Variants in PRKCA observed in about 807,000 individuals in gnomAD.
PRKCA encodes the protein protein kinase C alpha type.
Under a neutral mutation model 87.0 loss-of-function variants are expected in PRKCA, and 27 were observed. The observed-to-expected ratio is 0.31, with a 90% CI of 0.23 to 0.43. The LOEUF (loss-of-function observed/expected upper bound fraction) is 0.43, where lower values mean the gene tolerates loss of function less well. PRKCA is among the 20% of genes least tolerant of loss of function. The pLI is 1.00. For missense variants in PRKCA, 518 were observed against 852.3 expected (o/e 0.61, Z 4.88); for synonymous variants, 329 against 311.1 (o/e 1.06, Z -0.61).
intron 12 of PRKCA, 65 bp from the exon 13 acceptor site, chr17:66,742,557 C>T: frequency 1.3e-6 from 2 of 1,548,226 alleles, no homozygotes; most frequent in Admixed American, 1.8e-5. Flanking sequence ...TTCTATTTCA[C>T]CAGTTCCAAA....
chr17:66,364,265 A>T (rs1908568695), intron 2 of PRKCA: 1 of 152,218 alleles, frequency 6.6e-6, no homozygotes, highest in South Asian at 2.1e-4. Context: ...CAGTAGTGGG[A>T]TCTCACCTGT....
intron 2 of PRKCA, among the ~76,000 whole-genome samples, chr17:66,397,797 G>T (rs1178037179): frequency 6.6e-6 from 1 of 152,066 alleles, no homozygotes; most frequent in Non-Finnish European, 1.5e-5. Context: ...CCATTATTCA[G>T]GATACAGTGC....
rs574855442 is a variant in PRKCA, at chr17:66,671,465, G to A, written c.530-15646G>A. Among the ~76,000 whole-genome samples the A allele has an allele frequency of 5.9e-5, 9 of 152,202 alleles. No individual in the cohort carries two copies. The East Asian group carries it at 7.7e-4, about 13-fold the overall frequency. ...TGTGGATACCAAGTAGGGTTATTGC[G>A]GAGGTTAGTTAATATGTCCAAGGTG... On this transcript the variant is annotated intron_variant, in intron 5 of 16. Coordinates refer to ENST00000413366, the MANE Select transcript of PRKCA (RefSeq NM_002737.3).
chr17:66,379,013 C>G lies in PRKCA; in HGVS notation c.205+72886C>G, dbSNP rs369082753. Among the ~76,000 whole-genome samples the G allele has an allele frequency of 2.1e-4, 32 of 152,124 alleles. No homozygotes were observed. In the East Asian group the frequency reaches 3.9e-3, roughly 18 times the overall value. ...ACTGCAGAATGAATCAGTACTTCAC[C>G]CCTTTTTATGGCTTAATAGTAATTG... On this transcript the variant is annotated intron_variant, in intron 2 of 16. Coordinates refer to ENST00000413366, the MANE Select transcript of PRKCA (RefSeq NM_002737.3).
intron 3 of PRKCA, among the ~76,000 whole-genome samples, chr17:66,531,769 A>G (rs1967551216): frequency 6.6e-6 from 1 of 152,284 alleles, no homozygotes; most frequent in African/African-American, 2.4e-5. Context: ...CAGGGTGTCA[A>G]ATGGAACTGA....
intron 8 of PRKCA, among the ~76,000 whole-genome samples, chr17:66,722,024 T>A (rs2144163457): frequency 6.6e-6 from 1 of 152,270 alleles, no homozygotes; most frequent in African/African-American, 2.4e-5. Flanking sequence ...GAGTAATGGT[T>A]CAGTTTCTGA....
At chr17:66,756,809 G>A (rs1443109166) in intron 13 of PRKCA, among the ~76,000 whole-genome samples, 3 of 152,036 alleles carry the variant, frequency 2.0e-5, no homozygotes, top group East Asian at 1.9e-4. Context: ...TTACAGGCAT[G>A]AGCCACCATG....
At chr17:66,397,275 C>CTT (rs57003663) in intron 2 of PRKCA, among the ~76,000 whole-genome samples, 68,772 of 93,508 alleles carry the variant, frequency 0.74, 26,322 homozygotes, top group Non-Finnish European at 0.79. Context: ...CCAGTGTAGA[C>CTT]TTTTTTTTTT....
chr17:66,388,246 A>T (rs751818732), intron 2 of PRKCA, among the ~76,000 whole-genome samples: 4 of 152,058 alleles, frequency 2.6e-5, no homozygotes, highest in Non-Finnish European at 2.9e-5. Context: ...TATTTTGTAG[A>T]ATCAAATAAT....
chr17:66,748,816 T>A (rs1037284678), intron 13 of PRKCA, among the ~76,000 whole-genome samples: 1 of 151,370 alleles, frequency 6.6e-6, no homozygotes, highest in Non-Finnish European at 1.5e-5. Context: ...AAAGGGGAAA[T>A]GCCGGAGAGA....
intron 2 of PRKCA, among the ~76,000 whole-genome samples, chr17:66,332,046 A>AT (rs11390446): frequency 0.56 from 83,966 of 149,000 alleles, 23,577 homozygotes; most frequent in Middle Eastern, 0.67. Flanking sequence ...TAGCAAACCA[A>AT]TTTTTTTTTT....
chr17:66,738,921 T>TA (rs1353375333), intron 11 of PRKCA, 66 bp downstream of exon 11: 13 of 1,331,666 alleles, frequency 9.8e-6, no homozygotes, highest in African/African-American at 1.5e-5. Flanking sequence ...AACTTCCTTT[T>TA]TTCCCCCCCG....
At chr17:66,777,849 A>G (rs1223230279) in intron 14 of PRKCA, 31 of 985,222 alleles carry the variant, frequency 3.1e-5, no homozygotes, top group Non-Finnish European at 3.7e-5. Flanking sequence ...GAATTTCAGA[A>G]CCCAGGTCTG....
intron 3 of PRKCA, among the ~76,000 whole-genome samples, chr17:66,522,699 G>A (rs1267423837): frequency 6.6e-6 from 1 of 151,988 alleles, no homozygotes; most frequent in African/African-American, 2.4e-5. Flanking sequence ...CACAGTTTAT[G>A]TGCATAGCAG....
intron 2 of PRKCA, among the ~76,000 whole-genome samples, chr17:66,432,422 C>T (rs115125190): frequency 0.011 from 1,672 of 152,250 alleles, 37 homozygotes; most frequent in African/African-American, 0.038. Flanking sequence ...CCTCCACATA[C>T]GCTTTTTGAT....
In PRKCA at chr17:66,689,278, C is replaced by T. The variant is rs904172320; in HGVS notation, c.918+231C>T. ...AATGGAAACTGGAAATATCGCAGAA[C>T]TGAGAGCATGGTTGATTTCTGCATA... On this transcript the variant is annotated intron_variant, in intron 8 of 16. Transcript: ENST00000413366. This position sits in a 1 kb window ranked among gnomAD's most constrained non-coding sequence, Gnocchi z 4.1. 6.6e-6 allele frequency among the ~76,000 whole-genome samples: 1 copy of T among 152,142 alleles called. No homozygotes were observed. Among genetic ancestry groups the T allele is most frequent in the African/African-American group, 2.4e-5 (1 of 41,426 alleles).
At chr17:66,596,046 C>A (rs894581350) in intron 3 of PRKCA, among the ~76,000 whole-genome samples, 3 of 152,150 alleles carry the variant, frequency 2.0e-5, no homozygotes, top group Non-Finnish European at 4.4e-5. Context: ...TCCTTTCATT[C>A]CCAGGGACCC....
At chr17:66,315,891 G>A (rs1261505716) in intron 2 of PRKCA, among the ~76,000 whole-genome samples, 2 of 152,188 alleles carry the variant, frequency 1.3e-5, no homozygotes, top group African/African-American at 4.8e-5. Flanking sequence ...ACCCTGCAGG[G>A]CGCAGGACAG....
intron 5 of PRKCA, among the ~76,000 whole-genome samples, chr17:66,649,810 T>C (rs1238564006): frequency 6.6e-6 from 1 of 152,014 alleles, no homozygotes; most frequent in Non-Finnish European, 1.5e-5. Flanking sequence ...CCAAGTAAAA[T>C]TAAATACCAA....
Sources: gnomAD v4.1 joint callset for allele counts (sites outside exome capture counted in the v4.1 genomes callset) on GRCh38, gnomAD v4.1.1 for gene constraint, Gnocchi (gnomAD v3.1) non-coding constraint, MANE v1.5 for transcripts, NCBI Gene and HGNC (gene_info 2026-07-23, HGNC 2026-07-21) for gene names.